The following DPP6 variants were observed in gnomAD, a reference collection of about 807,000 sequenced individuals.
DPP6 encodes the protein A-type potassium channel modulatory protein DPP6.
Under a neutral mutation model 122.6 loss-of-function variants are expected in DPP6, and 69 were observed. The ratio of observed to expected loss-of-function variants is 0.56; its 90% confidence interval spans 0.46 to 0.69. DPP6 has a LOEUF of 0.69. Ranked by LOEUF, DPP6 falls within the 30% of genes least tolerant of loss-of-function variation. DPP6 has a pLI of 0.00. For missense variants in DPP6, 928 were observed against 1,116.9 expected (o/e 0.83, Z 2.41); for synonymous variants, 418 against 433.1 (o/e 0.97, Z 0.43).
chr7:154,888,058 C>G (rs913749631), intron 23 of DPP6, among the ~76,000 whole-genome samples: 16 of 151,512 alleles, frequency 1.1e-4, no homozygotes, highest in African/African-American at 3.2e-4. Context: ...CTCCCTACAG[C>G]CAGAGCTGTG....
chr7:154,785,320 T>C (rs1215940244), intron 10 of DPP6, among the ~76,000 whole-genome samples: 1 of 152,236 alleles, frequency 6.6e-6, no homozygotes, highest in East Asian at 1.9e-4. Context: ...TCTCCTGATA[T>C]ATACCATCCT....
Position 154,483,147 on chromosome 7 carries a change from AG to A in DPP6, c.457+8112del, listed in dbSNP as rs1823466819. Among the ~76,000 whole-genome samples, 1 of 152,134 alleles carries A rather than the reference AG, an allele frequency of 6.6e-6. No individual in the cohort carries two copies. The highest frequency in any genetic ancestry group is 1.5e-5 in the Non-Finnish European group (1 of 68,008). On this transcript the variant is annotated intron_variant, in intron 3 of 25. Transcript: ENST00000377770. This position sits in a 1 kb window ranked among gnomAD's most constrained non-coding sequence, Gnocchi z 8.1. ...TCTGAGGAAGTGTGGTCAGGGAGGCAGGAGGAGAACTTCTACCACGCCACGT... is the reference window on the plus strand; with the variant it reads ...TCTGAGGAAGTGTGGTCAGGGAGGCAGAGGAGAACTTCTACCACGCCACGT...
At chr7:154,591,831 G>A (rs926957337) in intron 5 of DPP6, among the ~76,000 whole-genome samples, 5 of 152,182 alleles carry the variant, frequency 3.3e-5, no homozygotes, top group African/African-American at 1.2e-4. Flanking sequence ...ATGAGCCTGC[G>A]AATAGAATTT....
intron 1 of DPP6, chr7:154,305,154 G>C (rs889211103): frequency 1.3e-6 from 1 of 745,238 alleles, no homozygotes; most frequent in Admixed American, 6.0e-5. Context: ...GAGGCAGCGC[G>C]CATCACTCGG....
intron 1 of DPP6, among the ~76,000 whole-genome samples, chr7:154,047,134 C>T (rs749855459): frequency 1.3e-5 from 2 of 151,562 alleles, no homozygotes; most frequent in Non-Finnish European, 2.9e-5. Context: ...ACAGTGTAAG[C>T]CCTTGTTCCC....
intron 5 of DPP6, among the ~76,000 whole-genome samples, chr7:154,634,413 G>C (rs930916050): frequency 6.6e-6 from 1 of 151,868 alleles, no homozygotes; most frequent in African/African-American, 2.4e-5. Context: ...GTCTATCATT[G>C]TTGGATATTT....
chr7:154,134,047 A>G (rs1381494643), intron 1 of DPP6, among the ~76,000 whole-genome samples: 2 of 151,868 alleles, frequency 1.3e-5, no homozygotes, highest in Non-Finnish European at 2.9e-5. Flanking sequence ...TTGGTTTTCC[A>G]CTGTGCACAG....
At chr7:154,540,718 A>C (rs1278410709) in intron 4 of DPP6, 92 bp downstream of exon 4, 1 of 738,642 alleles carries the variant, frequency 1.4e-6, no homozygotes, top group Non-Finnish European at 2.2e-6. Context: ...AACTTTTAGC[A>C]TAGCCAAGGA....
intron 1 of DPP6, among the ~76,000 whole-genome samples, chr7:154,225,807 T>A (rs1337898385): frequency 1.3e-5 from 2 of 152,190 alleles, no homozygotes; most frequent in Non-Finnish European, 2.9e-5. Flanking sequence ...CCAAAATTCT[T>A]TTCCTGGGTC....
At chr7:154,105,523 G>T (rs1246357052) in intron 1 of DPP6, among the ~76,000 whole-genome samples, 2 of 152,170 alleles carry the variant, frequency 1.3e-5, no homozygotes, top group Non-Finnish European at 2.9e-5. Flanking sequence ...TTTAGAAAAG[G>T]TCAGTAGTCA....
At chr7:153,884,663 CTA>C (rs1798843335), upstream of DPP6, among the ~76,000 whole-genome samples, 1 of 152,042 alleles carries the variant, frequency 6.6e-6, no homozygotes, top group African/African-American at 2.4e-5. Context: ...TTGAAGGAAA[CTA>C]TAAAAATAGA....
chr7:153,803,964 A>G, the DPP6 span, among the ~76,000 whole-genome samples: 87,551 of 151,340 alleles, frequency 0.58, 27,289 homozygotes, highest in East Asian at 0.71. Flanking sequence ...TTACTCCCCA[A>G]GAATTTCAAG....
intron 7 of DPP6, among the ~76,000 whole-genome samples, chr7:154,725,444 C>T (rs1713378080): frequency 6.6e-6 from 1 of 152,114 alleles, no homozygotes; most frequent in Non-Finnish European, 1.5e-5. Context: ...GAAGCAGGCA[C>T]ATCTTACATG....
the DPP6 span, among the ~76,000 whole-genome samples, chr7:153,852,806 A>G: frequency 2.0e-5 from 3 of 152,206 alleles, no homozygotes; most frequent in African/African-American, 4.8e-5. Flanking sequence ...ATTCTGCTCA[A>G]TCGCATTGCA....
intron 1 of DPP6, among the ~76,000 whole-genome samples, chr7:154,082,854 T>C (rs28755906): frequency 2.5e-5 from 3 of 120,362 alleles, no homozygotes; most frequent in East Asian, 2.4e-4. Context: ...TTCTTTTTTT[T>C]TTTTTTTTTT....
rs533467685 is a variant in DPP6 at position 153,928,996 on chromosome 7, C to T, written c.51+41262C>T. On this transcript the variant is annotated intron_variant, in intron 1 of 25. Coordinates refer to the DPP6 transcript ENST00000404039. Reference sequence around the variant, plus strand: ...TCTTGGTGGGAGAGGTCAGAGAGAGCGCGGAGGGCCAGACCCTGGCACCTT... The same window carrying T: ...TCTTGGTGGGAGAGGTCAGAGAGAGTGCGGAGGGCCAGACCCTGGCACCTT... Among the ~76,000 whole-genome samples the T allele has an allele frequency of 3.3e-5, 5 of 151,756 alleles. No individual in the cohort carries two copies. The East Asian group carries it at 7.8e-4, about 24-fold the overall frequency.
At chr7:153,819,077 C>CTTTTTTTTTTTTTTT in the DPP6 span, among the ~76,000 whole-genome samples, 2 of 99,884 alleles carry the variant, frequency 2.0e-5, no homozygotes, top group Non-Finnish European at 3.6e-5. Flanking sequence ...CTTTTCTTTT[C>CTTTTTTTTTTTTTTT]TTTTTTTTTT....
chr7:154,550,644 A>G (rs1829556190), intron 4 of DPP6, among the ~76,000 whole-genome samples: 1 of 152,168 alleles, frequency 6.6e-6, no homozygotes. Context: ...TTGATTTGGT[A>G]CCAGGTAGAC....
chr7:154,383,751 A>G (rs10275782), intron 1 of DPP6, among the ~76,000 whole-genome samples: 95,813 of 151,586 alleles, frequency 0.63, 31,043 homozygotes, highest in East Asian at 0.76. Flanking sequence ...TTAGCCAGGC[A>G]TGGTGGTGCG....
Sources: gnomAD v4.1 joint callset for allele counts (sites outside exome capture counted in the v4.1 genomes callset) on GRCh38, gnomAD v4.1.1 for gene constraint, Gnocchi (gnomAD v3.1) non-coding constraint, MANE v1.5 for transcripts, NCBI Gene and HGNC (gene_info 2026-07-23, HGNC 2026-07-21) for gene names.